Variants in SLC16A7 observed in about 807,000 individuals in gnomAD.
The protein encoded by SLC16A7 is monocarboxylate transporter 2.
In SLC16A7, 33 loss-of-function variants were observed where a neutral mutation model predicts 34.9. The ratio of observed to expected loss-of-function variants is 0.94; its 90% CI spans 0.72 to 1.26. The LOEUF (loss-of-function observed/expected upper bound fraction) is 1.26. Ranked by LOEUF, SLC16A7 falls within the 50% of genes most tolerant of loss-of-function variation. The pLI is 0.00. For synonymous variants in SLC16A7, 201 were observed against 206.6 expected (o/e 0.97, Z 0.23); for missense variants, 573 against 578.1 (o/e 0.99, Z 0.09).
intron 1 of SLC16A7, among the ~76,000 whole-genome samples, chr12:59,614,824 T>TAA (rs71448588): frequency 0.29 from 10,328 of 35,718 alleles, 2,156 homozygotes; most frequent in East Asian, 0.68. Context: ...CCATTCCTAC[T>TAA]AAAAAAAAAA....
At chr12:59,617,419 GT>G (rs1314017166) in intron 1 of SLC16A7, among the ~76,000 whole-genome samples, 1 of 151,918 alleles carries the variant, frequency 6.6e-6, no homozygotes, top group Non-Finnish European at 1.5e-5. Flanking sequence ...TAGGACATTG[GT>G]ATTTTATGGA....
At chr12:59,741,403 C>A (rs2137285402) in intron 3 of SLC16A7, among the ~76,000 whole-genome samples, 1 of 152,214 alleles carries the variant, frequency 6.6e-6, no homozygotes, top group Middle Eastern at 3.4e-3. Context: ...TGGACAGATG[C>A]CAGAAATTTC....
chr12:59,706,098 A>G (rs1268981063), intron 3 of SLC16A7, among the ~76,000 whole-genome samples: 1 of 152,192 alleles, frequency 6.6e-6, no homozygotes, highest in African/African-American at 2.4e-5. Context: ...ACAACTTGTT[A>G]GTAGTAAACA....
chr12:59,710,925 T>C (rs1186622696), intron 3 of SLC16A7, among the ~76,000 whole-genome samples: 1 of 152,198 alleles, frequency 6.6e-6, no homozygotes, highest in African/African-American at 2.4e-5. Context: ...TTACACTCTC[T>C]CTTCTCTCTT....
At chr12:59,597,461 T>C (rs2136950766) in intron 1 of SLC16A7, among the ~76,000 whole-genome samples, 1 of 152,172 alleles carries the variant, frequency 6.6e-6, no homozygotes, top group African/African-American at 2.4e-5. Flanking sequence ...CTGGATGCCA[T>C]TTCCTGTCAC....
intron 3 of SLC16A7, among the ~76,000 whole-genome samples, chr12:59,722,082 T>C (rs1392894626): frequency 6.6e-6 from 1 of 151,930 alleles, no homozygotes; most frequent in Non-Finnish European, 1.5e-5. Flanking sequence ...TCCTGAACTC[T>C]AGACCTATAT....
At chr12:59,719,339 G>A (rs918566022) in intron 3 of SLC16A7, among the ~76,000 whole-genome samples, 8 of 152,070 alleles carry the variant, frequency 5.3e-5, no homozygotes, top group Non-Finnish European at 7.4e-5. Context: ...AAATCCTGAA[G>A]AGTATGCATT....
intron 3 of SLC16A7, among the ~76,000 whole-genome samples, chr12:59,731,843 G>A (rs1313382559): frequency 5.3e-5 from 8 of 152,152 alleles, no homozygotes; most frequent in Non-Finnish European, 1.2e-4. Context: ...AAAAGATATA[G>A]GGTCAAACCT....
intron 1 of SLC16A7, among the ~76,000 whole-genome samples, chr12:59,614,300 G>A (rs1205706478): frequency 6.6e-6 from 1 of 152,058 alleles, no homozygotes; most frequent in African/African-American, 2.4e-5. Flanking sequence ...GCCACCCAAA[G>A]TGCTGGGATT....
chr12:59,754,244 A>G (rs1879990133), intron 3 of SLC16A7, among the ~76,000 whole-genome samples: 1 of 152,198 alleles, frequency 6.6e-6, no homozygotes, highest in South Asian at 2.1e-4. Flanking sequence ...GAAGGCAAGA[A>G]ATAACTAAAA....
intron 2 of SLC16A7, among the ~76,000 whole-genome samples, chr12:59,680,525 C>A (rs1387651638): frequency 6.6e-6 from 1 of 152,126 alleles, no homozygotes; most frequent in African/African-American, 2.4e-5. Context: ...CCACCTCTTA[C>A]ATTCTTGGCC....
In SLC16A7 at chr12:59,782,625, C is replaced by A. The variant is rs1883327449; in HGVS notation, c.*2946C>A. ...AAGGTATCCAGATAATTCATGGCTACTTTAACTATTTTTTCATTCGTGTTA... is the reference window on the plus strand; with the variant it reads ...AAGGTATCCAGATAATTCATGGCTAATTTAACTATTTTTTCATTCGTGTTA... On this transcript the variant is annotated 3_prime_UTR_variant, in exon 6 of 6. Transcript: ENST00000547379. 1 of 152,104 alleles carries A rather than the reference C, an allele frequency of 6.6e-6. No homozygotes were observed. The highest frequency in any genetic ancestry group is 2.4e-5 in the African/African-American group (1 of 41,436). The allele number at this position is 152,104 out of a possible 1,614,324, so 9.4% of individuals were successfully genotyped here.
rs1044481765 is a variant in SLC16A7 at position 59,779,776 on chromosome 12, A to G, written c.*97A>G. Reference sequence around the variant, plus strand: ...AGTATTAGAAAAGGTTTTAGCTGAAATGAGGAGTCACAATTAAGGATGGAG... The same window carrying G: ...AGTATTAGAAAAGGTTTTAGCTGAAGTGAGGAGTCACAATTAAGGATGGAG... On this transcript the variant is annotated 3_prime_UTR_variant, in exon 6 of 6. Transcript: ENST00000547379. 2 of 965,948 alleles carry G rather than the reference A, an allele frequency of 2.1e-6. No homozygotes were observed. Among genetic ancestry groups the G allele is most frequent in the African/African-American group, 3.3e-5 (2 of 60,440 alleles). The allele number at this position is 965,948 out of a possible 1,614,324, so 59.8% of individuals were successfully genotyped here. A position where few individuals can be genotyped will look rare whatever the true frequency, so the allele number is the denominator to read the frequency against.
In SLC16A7 at chr12:59,775,397, G is replaced by A. The variant is rs1228998510; in HGVS notation, c.1102G>A (p.Ala368Thr). The change falls in exon 5 of 6, where the codon GCA becomes ACA. Residue 368 changes from alanine (A) to threonine (T), a missense_variant. By Grantham distance (58) the Ala-to-Thr change is moderately conservative (BLOSUM62 0). Coordinates refer to ENST00000547379, the MANE Select transcript of SLC16A7 (RefSeq NM_001270623.2). ...LFETLMDLVGAPRFSSAVGLV... is the reference protein window; with the variant it reads ...LFETLMDLVGTPRFSSAVGLV... ...TGAAACTCTCATGGACCTCGTGGGT[G>A]CACCAAGATTTTCCAGTGCCGTCGG... is the stretch of plus-strand genomic sequence containing the variant. The A allele has an allele frequency of 6.2e-7, 1 of 1,614,100 alleles. No homozygotes were observed. Among genetic ancestry groups the A allele is most frequent in the Non-Finnish European group, 8.5e-7 (1 of 1,179,974 alleles).
chr12:59,750,245 C>T (rs191300585), intron 3 of SLC16A7, among the ~76,000 whole-genome samples: 61 of 152,190 alleles, frequency 4.0e-4, no homozygotes, highest in Admixed American at 1.3e-3. Flanking sequence ...AGCTTCTGCA[C>T]AGCAAAAGAA....
chr12:59,669,304 T>C (rs2137043772), intron 2 of SLC16A7, among the ~76,000 whole-genome samples: 2 of 152,342 alleles, frequency 1.3e-5, no homozygotes, highest in South Asian at 4.1e-4. Flanking sequence ...ACAATTATTT[T>C]CCATGATGTT....
At chr12:59,738,087 G>A (rs1278105527) in intron 3 of SLC16A7, among the ~76,000 whole-genome samples, 1 of 152,128 alleles carries the variant, frequency 6.6e-6, no homozygotes, top group East Asian at 1.9e-4. Context: ...CTTTATCACA[G>A]AGATATTGTA....
chr12:59,621,121 T>G (rs1293519478), intron 1 of SLC16A7, among the ~76,000 whole-genome samples: 1 of 151,812 alleles, frequency 6.6e-6, no homozygotes, highest in Admixed American at 6.6e-5. Flanking sequence ...AGACTGCTAT[T>G]TTTTTGGTAA....
intron 2 of SLC16A7, among the ~76,000 whole-genome samples, chr12:59,687,844 T>C (rs575434403): frequency 6.6e-6 from 1 of 152,236 alleles, no homozygotes; most frequent in Admixed American, 6.5e-5. Context: ...CTACACTGCA[T>C]TGACTTACAT....
Sources: allele counts gnomAD v4.1 joint callset (sites outside exome capture counted in the v4.1 genomes callset), GRCh38; gene constraint gnomAD v4.1.1; transcripts MANE v1.5; gene names NCBI Gene and HGNC (gene_info 2026-07-23, HGNC 2026-07-21).